The following TMEM132D variants were observed in gnomAD, a reference collection of about 807,000 sequenced individuals.
TMEM132D encodes transmembrane protein 132D.
Under a neutral mutation model 62.3 loss-of-function variants are expected in TMEM132D, and 21 were observed. That is an observed-to-expected ratio of 0.34 (90% CI 0.24 to 0.49). The LOEUF is 0.49. Ranked by LOEUF, TMEM132D falls within the 20% of genes least tolerant of loss-of-function variation. TMEM132D has a pLI of 0.99. For missense variants in TMEM132D, 1,346 were observed against 1,402.8 expected, an observed-to-expected ratio of 0.96 and a Z score of 0.65; for synonymous variants, 621 against 575.6, an observed-to-expected ratio of 1.08 and a Z score of -1.13.
chr12:129,554,556 T>C (rs1280870394), intron 2 of TMEM132D, among the ~76,000 whole-genome samples: 1 of 152,124 alleles, frequency 6.6e-6, no homozygotes, highest in Non-Finnish European at 1.5e-5. Context: ...TGAACAGCCA[T>C]GTGATTTTCT....
At chr12:129,080,552 C>T (rs1385813240) in intron 7 of TMEM132D, among the ~76,000 whole-genome samples, 1 of 152,184 alleles carries the variant, frequency 6.6e-6, no homozygotes, top group African/African-American at 2.4e-5. Context: ...TTAAATCTTC[C>T]ACGATCCAAT....
At chr12:129,475,916 A>G (rs774345361) in intron 3 of TMEM132D, among the ~76,000 whole-genome samples, 7 of 152,266 alleles carry the variant, frequency 4.6e-5, no homozygotes, top group Non-Finnish European at 8.8e-5. Context: ...TTCCTTGACA[A>G]TTTGACTGTA....
chr12:129,097,475 A>G (rs1282655222), intron 5 of TMEM132D, among the ~76,000 whole-genome samples: 3 of 152,252 alleles, frequency 2.0e-5, no homozygotes, highest in Non-Finnish European at 4.4e-5. Flanking sequence ...TATCCATAGA[A>G]GAAACTTAGG....
At chr12:129,307,555 C>T (rs1014329706) in intron 4 of TMEM132D, among the ~76,000 whole-genome samples, 12 of 152,128 alleles carry the variant, frequency 7.9e-5, no homozygotes, top group Non-Finnish European at 1.5e-4. Context: ...CATCTCATCC[C>T]TCTCTTCTCC....
chr12:129,317,920 T>G (rs1037251446), intron 4 of TMEM132D, among the ~76,000 whole-genome samples: 3 of 152,222 alleles, frequency 2.0e-5, no homozygotes, highest in Admixed American at 2.0e-4. Flanking sequence ...TTTCTTCTAC[T>G]TGTTCAATTC....
intron 3 of TMEM132D, among the ~76,000 whole-genome samples, chr12:129,490,596 A>ATTTTTTTTTTTTTTTTTTTTTT (rs35535325): frequency 1.4e-5 from 1 of 71,112 alleles, no homozygotes; most frequent in African/African-American, 8.1e-5. Flanking sequence ...CGCCCGGCTA[A>ATTTTTTTTTTTTTTTTTTTTTT]TTTTTTTTTT....
chr12:129,745,776 A>T lies in TMEM132D; in HGVS notation c.80-45078T>A, dbSNP rs1003432239. On this transcript the variant is annotated intron_variant, in intron 1 of 8. Transcript: ENST00000422113. The stretch of plus-strand genomic sequence containing the variant: ...ATTTAACATGATATTTGCTAAATAC[A>T]CAAAACAAAAAGCAAATAAATAAAT... 6.6e-5 allele frequency among the ~76,000 whole-genome samples: 10 copies of T among 152,242 alleles called. 1 individual carries two copies. The highest frequency in any genetic ancestry group is 5.2e-4 in the Admixed American group (8 of 15,284).
chr12:129,571,797 A>C (rs155695), intron 2 of TMEM132D, among the ~76,000 whole-genome samples: 129,608 of 151,852 alleles, frequency 0.85, 55,400 homozygotes, highest in East Asian at 0.99. Context: ...GTACACACTA[A>C]CTTAGAGAAA....
intron 1 of TMEM132D, among the ~76,000 whole-genome samples, chr12:129,809,356 G>A (rs1257446342): frequency 6.6e-6 from 1 of 151,698 alleles, no homozygotes; most frequent in Non-Finnish European, 1.5e-5. Context: ...CAAACCTTGG[G>A]TCCAGGTGGA....
chr12:129,162,937 C>T (rs1407587273), intron 5 of TMEM132D, among the ~76,000 whole-genome samples: 1 of 152,206 alleles, frequency 6.6e-6, no homozygotes, highest in Non-Finnish European at 1.5e-5. Flanking sequence ...GCACAGTCAT[C>T]CCCCCAGCAT....
chr12:129,442,423 C>T (rs948471849), intron 3 of TMEM132D, among the ~76,000 whole-genome samples: 2 of 152,160 alleles, frequency 1.3e-5, no homozygotes, highest in Non-Finnish European at 2.9e-5. Flanking sequence ...CAAGACTCTA[C>T]CCTTTCCAGA....
intron 3 of TMEM132D, among the ~76,000 whole-genome samples, chr12:129,379,364 T>G (rs762697986): frequency 1.3e-5 from 2 of 152,176 alleles, no homozygotes; most frequent in Non-Finnish European, 2.9e-5. Context: ...AATGAATGAA[T>G]GAATGAAACT....
chr12:129,140,753 C>T (rs999873526), intron 5 of TMEM132D, among the ~76,000 whole-genome samples: 7 of 151,640 alleles, frequency 4.6e-5, no homozygotes, highest in Non-Finnish European at 5.9e-5. Flanking sequence ...GCAGGAGAAT[C>T]GCTTGAACGC....
rs930562670 is a variant in TMEM132D, at chr12:129,134,983, T to C, written c.1444-50281A>G. ...GACCAATTAGAGTCCTCACGTGATA[T>C]ATTATTTCAAACTTAAGTCTCTATT... On this transcript the variant is annotated intron_variant, in intron 5 of 8. Coordinates refer to ENST00000422113, the MANE Select transcript of TMEM132D (RefSeq NM_133448.3). Among the ~76,000 whole-genome samples the C allele has an allele frequency of 1.1e-4, 16 of 152,232 alleles. 1 individual carries two copies. In the South Asian group the frequency reaches 3.1e-3, roughly 30 times the overall value.
chr12:129,456,846 G>A (rs1274282393), intron 3 of TMEM132D, among the ~76,000 whole-genome samples: 1 of 152,140 alleles, frequency 6.6e-6, no homozygotes, highest in Non-Finnish European at 1.5e-5. Flanking sequence ...ATATTAACAG[G>A]TAAAAGAAAA....
chr12:129,268,573 T>C (rs1880761444), intron 4 of TMEM132D, among the ~76,000 whole-genome samples: 1 of 152,178 alleles, frequency 6.6e-6, no homozygotes, highest in Non-Finnish European at 1.5e-5. Context: ...AGGAACACTG[T>C]TACACTGTTG....
intron 3 of TMEM132D, among the ~76,000 whole-genome samples, chr12:129,437,096 GA>G (rs1343988321): frequency 4.6e-5 from 7 of 152,102 alleles, no homozygotes; most frequent in Non-Finnish European, 1.0e-4. Flanking sequence ...ACATTTCCCA[GA>G]CTTCTTTGCA....
chr12:129,354,169 A>G (rs1419288741), intron 3 of TMEM132D, among the ~76,000 whole-genome samples: 1 of 152,080 alleles, frequency 6.6e-6, no homozygotes. Context: ...AGACCTGAAA[A>G]CAAAAGCTAA....
intron 4 of TMEM132D, among the ~76,000 whole-genome samples, chr12:129,238,661 CT>C (rs1566007848): frequency 6.6e-6 from 1 of 152,194 alleles, no homozygotes; most frequent in Non-Finnish European, 1.5e-5. Context: ...TCCAAATTTC[CT>C]TATTTTTAAG....
Sources: allele counts gnomAD v4.1 joint callset (sites outside exome capture counted in the v4.1 genomes callset), GRCh38; gene constraint gnomAD v4.1.1; transcripts MANE v1.5; gene names NCBI Gene and HGNC (gene_info 2026-07-23, HGNC 2026-07-21).